HSD17B12: variants seen among roughly 807,000 people sequenced by gnomAD.
The protein encoded by HSD17B12 is very-long-chain 3-oxoacyl-CoA reductase.
Under a neutral mutation model 39.3 loss-of-function variants are expected in HSD17B12, and 32 were observed. The observed-to-expected ratio is 0.81, with a 90% CI of 0.61 to 1.09. The LOEUF (loss-of-function observed/expected upper bound fraction) is 1.09. Among genes scored for constraint, HSD17B12 ranks in the 50% least tolerant of loss-of-function variants. HSD17B12 has a pLI of 0.00. For missense variants in HSD17B12, 342 were observed against 382.9 expected (o/e 0.89, Z 0.89); for synonymous variants, 150 against 146.7 (o/e 1.02, Z -0.16).
chr11:43,682,900 TC>T (rs1949763134), intron 1 of HSD17B12, among the ~76,000 whole-genome samples: 1 of 151,824 alleles, frequency 6.6e-6, no homozygotes, highest in African/African-American at 2.4e-5. Flanking sequence ...CAAGTGATCC[TC>T]CCATGTGAGC....
the HSD17B12 span, among the ~76,000 whole-genome samples, chr11:43,616,439 A>G: frequency 3.3e-5 from 5 of 151,046 alleles, no homozygotes; most frequent in Non-Finnish European, 5.9e-5. Context: ...AAAAAAACAA[A>G]CAAACTATAT....
chr11:43,622,719 C>T, the HSD17B12 span, among the ~76,000 whole-genome samples: 1 of 151,932 alleles, frequency 6.6e-6, no homozygotes. Context: ...AGCCTCCTGT[C>T]CCCTTGATTT....
chr11:43,716,554 A>G (rs1331500866), intron 1 of HSD17B12, among the ~76,000 whole-genome samples: 1 of 151,652 alleles, frequency 6.6e-6, no homozygotes, highest in Non-Finnish European at 1.5e-5. Flanking sequence ...CATTTCGCAA[A>G]CCCTTATTGA....
At chr11:43,751,020 C>G (rs1950460502) in intron 2 of HSD17B12, 63 bp downstream of exon 2, 1 of 1,078,344 alleles carries the variant, frequency 9.3e-7, no homozygotes, top group African/African-American at 1.6e-5. Flanking sequence ...GGGATGATTT[C>G]TTATAGTAGT....
Position 43,749,638 on chromosome 11 carries a change from C to CT in HSD17B12, c.161-1261dup, listed in dbSNP as rs1036279426. Among the ~76,000 whole-genome samples the CT allele has an allele frequency of 3.0e-3, 426 of 140,666 alleles. 1 individual carries two copies. Among genetic ancestry groups the CT allele is most frequent in the African/African-American group, 9.0e-3 (347 of 38,470 alleles). The allele number at this position is 140,666 out of a possible 152,430, so 92.3% of individuals were successfully genotyped here. ...CTCTGGATATTTCAACTTTTTTTTT[C>CT]TTTTTTTTTTTTAATTCTGGAAAGA... On this transcript the variant is annotated intron_variant, in intron 1 of 10. Coordinates refer to ENST00000278353, the MANE Select transcript of HSD17B12 (RefSeq NM_016142.3).
the HSD17B12 span, among the ~76,000 whole-genome samples, chr11:43,642,397 G>A: frequency 0.044 from 6,666 of 151,410 alleles, 251 homozygotes; most frequent in South Asian, 0.11. Flanking sequence ...TAATTTTTAC[G>A]TAAAGCCCTT....
intron 3 of HSD17B12, among the ~76,000 whole-genome samples, chr11:43,789,956 A>G (rs576827386): frequency 6.6e-6 from 1 of 152,216 alleles, no homozygotes; most frequent in South Asian, 2.1e-4. Context: ...CCCCCCCGCA[A>G]AAAAGAGAGA....
chr11:43,791,458 G>A (rs1950866930), intron 3 of HSD17B12, among the ~76,000 whole-genome samples: 1 of 151,932 alleles, frequency 6.6e-6, no homozygotes, highest in Non-Finnish European at 1.5e-5. Flanking sequence ...CTTGAACCTG[G>A]CAGGCAGAGG....
chr11:43,583,317 G>A, the HSD17B12 span, among the ~76,000 whole-genome samples: 1 of 152,346 alleles, frequency 6.6e-6, no homozygotes, highest in East Asian at 1.9e-4. Flanking sequence ...ACCCGGCGTC[G>A]TGCGGCACCG....
intron 1 of HSD17B12, among the ~76,000 whole-genome samples, chr11:43,728,602 C>T (rs1394588572): frequency 6.6e-6 from 1 of 151,964 alleles, no homozygotes; most frequent in Non-Finnish European, 1.5e-5. Flanking sequence ...GGCTACTGTA[C>T]TTGTTACTCC....
chr11:43,636,369 C>T, the HSD17B12 span, among the ~76,000 whole-genome samples: 2 of 152,030 alleles, frequency 1.3e-5, no homozygotes, highest in African/African-American at 4.8e-5. Flanking sequence ...AAAGGACAAG[C>T]GAATCCAGAG....
At chr11:43,832,893 G>A (rs1328350546) in intron 7 of HSD17B12, among the ~76,000 whole-genome samples, 8 of 152,056 alleles carry the variant, frequency 5.3e-5, no homozygotes, top group African/African-American at 1.9e-4. Flanking sequence ...TTAGCTGGGC[G>A]TGGTGGCACA....
At chr11:43,788,294 CAGAG>C (rs755793852) in intron 3 of HSD17B12, among the ~76,000 whole-genome samples, 10 of 151,956 alleles carry the variant, frequency 6.6e-5, no homozygotes, top group Non-Finnish European at 1.2e-4. Flanking sequence ...TAAAAAATAA[CAGAG>C]AGACACATTT....
At chr11:43,841,583 A>G (rs1951426393) in intron 9 of HSD17B12, among the ~76,000 whole-genome samples, 1 of 152,218 alleles carries the variant, frequency 6.6e-6, no homozygotes, top group African/African-American at 2.4e-5. Context: ...TAGCTAGCAG[A>G]TATAATGCTG....
chr11:43,610,576 A>G, the HSD17B12 span, among the ~76,000 whole-genome samples: 1 of 152,328 alleles, frequency 6.6e-6, no homozygotes, highest in Admixed American at 6.5e-5. Flanking sequence ...CCCCATATGC[A>G]AAATGGAGAT....
At chr11:43,609,206 C>T in the HSD17B12 span, among the ~76,000 whole-genome samples, 5 of 151,724 alleles carry the variant, frequency 3.3e-5, no homozygotes, top group East Asian at 3.9e-4. Context: ...TCCCAAAGTG[C>T]TAGAATTACA....
At chr11:43,710,639 G>C (rs1310197489) in intron 1 of HSD17B12, among the ~76,000 whole-genome samples, 2 of 151,606 alleles carry the variant, frequency 1.3e-5, no homozygotes, top group African/African-American at 4.8e-5. Flanking sequence ...GACTCTAGAG[G>C]GTGCTTAATG....
At chr11:43,594,403 AT>A in the HSD17B12 span, among the ~76,000 whole-genome samples, 1 of 152,136 alleles carries the variant, frequency 6.6e-6, no homozygotes, top group Admixed American at 6.5e-5. Flanking sequence ...CAGGAAAAGC[AT>A]TCAATATAGA....
chr11:43,726,775 G>A (rs544814951), intron 1 of HSD17B12, among the ~76,000 whole-genome samples: 1 of 152,268 alleles, frequency 6.6e-6, no homozygotes, highest in East Asian at 1.9e-4. Context: ...TAAAATTTCT[G>A]TCTGTATTCA....
Sources: gnomAD v4.1 joint callset for allele counts (sites outside exome capture counted in the v4.1 genomes callset) on GRCh38, gnomAD v4.1.1 for gene constraint, MANE v1.5 for transcripts, NCBI Gene and HGNC (gene_info 2026-07-23, HGNC 2026-07-21) for gene names.